The following SLAIN1 variants were observed in gnomAD, a reference collection of about 807,000 sequenced individuals.
SLAIN1 encodes the protein SLAIN motif-containing protein 1.
A neutral mutation model predicts 55.4 loss-of-function variants in SLAIN1; 17 were observed. The ratio of observed to expected loss-of-function variants is 0.31; its 90% CI spans 0.21 to 0.46. The LOEUF (loss-of-function observed/expected upper bound fraction) is 0.46. SLAIN1 is among the 20% of genes least tolerant of loss of function. SLAIN1 has a pLI of 1.00. For missense variants in SLAIN1, 682 were observed against 785.1 expected, an observed-to-expected ratio of 0.87 and a Z score of 1.57; for synonymous variants, 348 against 337.4, an observed-to-expected ratio of 1.03 and a Z score of -0.35.
chr13:77,704,358 G>C (rs1240311696), intron 1 of SLAIN1, among the ~76,000 whole-genome samples: 4 of 107,288 alleles, frequency 3.7e-5, no homozygotes, highest in South Asian at 6.2e-4. Flanking sequence ...CATAGAAACT[G>C]TATATACAGA....
chr13:77,708,251 C>G (rs1435320176), intron 1 of SLAIN1, among the ~76,000 whole-genome samples: 1 of 152,066 alleles, frequency 6.6e-6, no homozygotes, highest in Non-Finnish European at 1.5e-5. Flanking sequence ...TGTGGTGTTC[C>G]CCTACAAACA....
Position 77,761,025 on chromosome 13 carries a change from A to T in SLAIN1, c.1612A>T (p.Met538Leu). The T allele has an allele frequency of 6.2e-7, 1 of 1,614,204 alleles. No homozygotes were observed. Among genetic ancestry groups the T allele is most frequent in the Non-Finnish European group, 8.5e-7 (1 of 1,180,028 alleles). ...TPNKAAASGI[M>L]GRSALPRPSL... ...GAACAAAGCTGCAGCTTCTGGGATA[A>T]TGGGTCGCAGTGCACTCCCAAGACC... The change falls in exon 6 of 7, where the codon ATG (methionine) becomes TTG (leucine). Residue 538 changes from methionine (M) to leucine (L), a missense_variant. Physicochemically the swap from Met to Leu is conservative, Grantham distance 15. This residue lies in a region of SLAIN1 where 244 missense variants were observed against 295.2 expected (regional missense o/e 0.83). Transcript: ENST00000418532.
At chr13:77,705,625 C>T (rs2091081670) in intron 1 of SLAIN1, among the ~76,000 whole-genome samples, 2 of 150,592 alleles carry the variant, frequency 1.3e-5, no homozygotes. Flanking sequence ...AGGGTTAGAG[C>T]TATATAGGAG....
Position 77,697,836 on chromosome 13 carries a change from C to G in SLAIN1, c.-78C>G. ...CCAGGCCGGGGCGACAGGGAAGGAG[C>G]CGTAGCCTCCCCGTGGCCCGAGGAG... On this transcript the variant is annotated 5_prime_UTR_variant, in exon 1 of 7. Transcript: ENST00000418532. The G allele has an allele frequency of 1.6e-6, 2 of 1,227,554 alleles. No homozygotes were observed. The highest frequency in any genetic ancestry group is 2.0e-6 in the Non-Finnish European group (2 of 984,662). The allele number at this position is 1,227,554 out of a possible 1,614,324, so 76.0% of individuals were successfully genotyped here.
At chr13:77,713,985 A>G (rs996063544) in intron 1 of SLAIN1, among the ~76,000 whole-genome samples, 7 of 151,892 alleles carry the variant, frequency 4.6e-5, no homozygotes, top group Non-Finnish European at 1.0e-4. Context: ...GAACACATGG[A>G]CACAGGGAGT....
chr13:77,720,664 A>T (rs958301921), intron 2 of SLAIN1, among the ~76,000 whole-genome samples: 1 of 152,158 alleles, frequency 6.6e-6, no homozygotes, highest in Non-Finnish European at 1.5e-5. Flanking sequence ...GAGGTGAGAA[A>T]TACGAAGTTT....
chr13:77,697,782 TC>T lies in SLAIN1; in HGVS notation c.-131del. On this transcript the variant is annotated 5_prime_UTR_variant, in exon 1 of 7. An upstream open reading frame in the 5' UTR loses its in-frame stop. Coordinates refer to ENST00000418532, the MANE Select transcript of SLAIN1 (RefSeq NM_001242868.2). ...CCCGGTGCTGATGCGAACCGCCGGC[TC>T]GGCCTCAGCCCGCGCGTGGTCGGCC... is the stretch of plus-strand genomic sequence containing the variant. 2.0e-6 allele frequency: 2 copies of T among 988,224 alleles called. No homozygotes were observed. The highest frequency in any genetic ancestry group is 4.0e-4 in the Middle Eastern group (1 of 2,486). 61.2% of individuals were successfully genotyped at this position (988,224 alleles called of 1,614,324 possible). A position where few individuals can be genotyped will look rare whatever the true frequency, so the allele number is the denominator to read the frequency against.
At chr13:77,754,026 A>G (rs1412853019) in intron 5 of SLAIN1, among the ~76,000 whole-genome samples, 4 of 152,146 alleles carry the variant, frequency 2.6e-5, no homozygotes, top group Admixed American at 2.6e-4. Context: ...GCATCCCCCT[A>G]TTCCTACTCA....
intron 1 of SLAIN1, among the ~76,000 whole-genome samples, chr13:77,711,794 A>G (rs761091248): frequency 1.3e-5 from 2 of 152,194 alleles, no homozygotes; most frequent in Non-Finnish European, 2.9e-5. Context: ...TCAGCCCAAT[A>G]TCCCTGATGA....
intron 2 of SLAIN1, chr13:77,741,542 C>T (rs1237771687): frequency 5.5e-6 from 3 of 543,336 alleles, no homozygotes; most frequent in African/African-American, 2.1e-5. Context: ...GTTGTCATTG[C>T]GAATGTGGTT....
chr13:77,710,026 C>T (rs1022667764), intron 1 of SLAIN1, among the ~76,000 whole-genome samples: 2 of 152,038 alleles, frequency 1.3e-5, no homozygotes, highest in East Asian at 1.9e-4. Context: ...CCAGGCTCAG[C>T]CTCCCAAAGT....
chr13:77,759,420 T>C (rs1874841052), intron 5 of SLAIN1, among the ~76,000 whole-genome samples: 1 of 152,198 alleles, frequency 6.6e-6, no homozygotes, highest in African/African-American at 2.4e-5. Flanking sequence ...GGATGCCCTT[T>C]ATTTCTTTCT....
At chr13:77,740,999 C>T (rs546990015) in intron 2 of SLAIN1, among the ~76,000 whole-genome samples, 32 of 152,162 alleles carry the variant, frequency 2.1e-4, no homozygotes, top group South Asian at 2.1e-3. Context: ...TTGCAATAGA[C>T]GCTAATTGTG....
chr13:77,715,718 T>A (rs1421054931), intron 1 of SLAIN1, among the ~76,000 whole-genome samples: 2 of 152,184 alleles, frequency 1.3e-5, no homozygotes, highest in Non-Finnish European at 2.9e-5. Context: ...CTGTTTGCCA[T>A]AATAGGTCTT....
intron 2 of SLAIN1, among the ~76,000 whole-genome samples, chr13:77,735,031 A>AAAAT (rs888420309): frequency 1.1e-4 from 17 of 152,034 alleles, no homozygotes; most frequent in Non-Finnish European, 1.5e-4. Context: ...AAATAAAATA[A>AAAAT]AAATAAATAA....
intron 4 of SLAIN1, among the ~76,000 whole-genome samples, chr13:77,747,681 T>G (rs891418977): frequency 1.6e-4 from 25 of 152,158 alleles, no homozygotes; most frequent in Non-Finnish European, 2.2e-4. Context: ...CCCTCTGATC[T>G]CCTGACATCT....
intron 1 of SLAIN1, among the ~76,000 whole-genome samples, chr13:77,710,489 CAAAG>C (rs1389625026): frequency 3.3e-5 from 5 of 152,054 alleles, no homozygotes; most frequent in Non-Finnish European, 7.4e-5. Flanking sequence ...TCAAAAGAGA[CAAAG>C]AAGGGCATCA....
intron 5 of SLAIN1, among the ~76,000 whole-genome samples, 174 bp downstream of exon 5, chr13:77,753,532 T>C (rs919713045): frequency 3.9e-5 from 6 of 152,156 alleles, no homozygotes; most frequent in African/African-American, 1.4e-4. Flanking sequence ...TTGAATAGTA[T>C]TTTTACTATT....
intron 5 of SLAIN1, among the ~76,000 whole-genome samples, chr13:77,755,702 T>C (rs987814108): frequency 4.6e-5 from 7 of 152,136 alleles, no homozygotes; most frequent in African/African-American, 1.7e-4. Context: ...GAGGGGAACA[T>C]CCTCTTTGTA....
Sources: allele counts gnomAD v4.1 joint callset (sites outside exome capture counted in the v4.1 genomes callset), GRCh38; gene constraint gnomAD v4.1.1; regional missense constraint gnomAD v4.1.1; transcripts MANE v1.5; gene names NCBI Gene and HGNC (gene_info 2026-07-23, HGNC 2026-07-21).